Variants in FAM76A observed in about 807,000 individuals in gnomAD.
FAM76A encodes protein FAM76A.
In FAM76A, 32 loss-of-function variants were observed where a neutral mutation model predicts 46.2. The observed-to-expected ratio is 0.69, with a 90% CI of 0.52 to 0.93. The LOEUF is 0.93. FAM76A is among the 40% of genes least tolerant of loss of function. The pLI, the probability that FAM76A is intolerant of heterozygous loss-of-function variation, is 0.00. For missense variants in FAM76A, 274 were observed against 361.5 expected (o/e 0.76, Z 1.96); for synonymous variants, 137 against 127.0 (o/e 1.08, Z -0.53).
rs1203349382 is a variant in FAM76A, at chr1:27,762,543, T to C, written c.*1962T>C. 6.6e-6 allele frequency: 1 copy of C among 152,158 alleles called. No homozygotes were observed. Among genetic ancestry groups the C allele is most frequent in the African/African-American group, 2.4e-5 (1 of 41,428 alleles). 9.4% of individuals were successfully genotyped at this position (152,158 alleles called of 1,614,324 possible). The stretch of plus-strand genomic sequence containing the variant: ...TAATTGGACAGAGATGTGGAAATGG[T>C]GGTTTCCTTCTGATAAGGGATACAG... On this transcript the variant is annotated 3_prime_UTR_variant, in exon 9 of 9. Coordinates refer to ENST00000373954, the MANE Select transcript of FAM76A (RefSeq NM_152660.3).
At chr1:27,747,685 G>T (rs1050006348) in intron 5 of FAM76A, among the ~76,000 whole-genome samples, 1 of 152,126 alleles carries the variant, frequency 6.6e-6, no homozygotes, top group South Asian at 2.1e-4. Context: ...GGGAGGCCGA[G>T]GCAGGTGGAT....
At chr1:27,740,588 A>G (rs2088134621) in intron 4 of FAM76A, 3 of 909,054 alleles carry the variant, frequency 3.3e-6, no homozygotes, top group Admixed American at 1.9e-5. Flanking sequence ...GTTAAGAAAT[A>G]TATGTTCAGA....
At chr1:27,729,283 C>G (rs2087916125) in intron 2 of FAM76A, among the ~76,000 whole-genome samples, 1 of 151,832 alleles carries the variant, frequency 6.6e-6, no homozygotes, top group Non-Finnish European at 1.5e-5. Flanking sequence ...TCTCAGCTCA[C>G]TGCAACCTCC....
In FAM76A at chr1:27,760,946, G is replaced by GTTTTTTTTTTTTT. The variant is rs202213914; in HGVS notation, c.*370_*382dup. On this transcript the variant is annotated 3_prime_UTR_variant, in exon 9 of 9. Transcript: ENST00000373954. ...TAATGTGCAGAATGATTTGTTTTTT[G>GTTTTTTTTTTTTT]TTTTTTTTTTTTTTTTTGGTCCTTC... 1 of 33,282 alleles carries GTTTTTTTTTTTTT rather than the reference G, an allele frequency of 3.0e-5. No individual in the cohort carries two copies. The highest frequency in any genetic ancestry group is 1.1e-4 in the African/African-American group (1 of 8,882). The allele number at this position is 33,282 out of a possible 1,614,324, so 2.1% of individuals were successfully genotyped here.
At chr1:27,759,460 C>G (rs1057044239) in intron 7 of FAM76A, 66 bp from the exon 8 acceptor site, 40 of 1,148,184 alleles carry the variant, frequency 3.5e-5, no homozygotes, top group Non-Finnish European at 5.1e-5. Context: ...CCATTTAGCT[C>G]TCTGAAAGCA....
At position 27,729,238 on chromosome 1, in the gene FAM76A, C is replaced by CTA. The variant is rs1157668377; in HGVS notation, c.146+1703_146+1704insAT. Among the ~76,000 whole-genome samples the CTA allele has an allele frequency of 4.6e-5, 7 of 151,244 alleles. No individual in the cohort carries two copies. In the East Asian group the frequency reaches 1.4e-3, roughly 29 times the overall value. On this transcript the variant is annotated intron_variant, in intron 2 of 8. Coordinates refer to ENST00000373954, the MANE Select transcript of FAM76A (RefSeq NM_152660.3). ...TTTTTTCTTTTATGAGACAGGGTCT[C>CTA]TCTCTGTCACCCAAGCTGGAGTGCA...
At chr1:27,732,491 T>A in intron 2 of FAM76A, 112 bp from the exon 3 acceptor site, 2 of 729,820 alleles carry the variant, frequency 2.7e-6, no homozygotes, top group Non-Finnish European at 4.7e-6. Context: ...TAACCAAGCA[T>A]CCAGACCATA....
chr1:27,756,630 A>G (rs1292494746), intron 7 of FAM76A, among the ~76,000 whole-genome samples: 1 of 152,000 alleles, frequency 6.6e-6, no homozygotes, highest in Non-Finnish European at 1.5e-5. Flanking sequence ...AATATCTTCT[A>G]TCTTATATTT....
intron 4 of FAM76A, among the ~76,000 whole-genome samples, chr1:27,737,868 C>CAAAAAAAAAAA (rs71571865): frequency 1.6e-4 from 10 of 62,694 alleles, no homozygotes; most frequent in Admixed American, 6.7e-4. Flanking sequence ...ACAACAACAA[C>CAAAAAAAAAAA]AAAAAAAAAA....
At chr1:27,736,359 A>C (rs2088045876) in intron 4 of FAM76A, among the ~76,000 whole-genome samples, 1 of 152,100 alleles carries the variant, frequency 6.6e-6, no homozygotes, top group African/African-American at 2.4e-5. Flanking sequence ...TGGACTCAGA[A>C]TGTGTGGATT....
At chr1:27,728,860 G>T (rs761273128) in intron 2 of FAM76A, among the ~76,000 whole-genome samples, 87 of 152,010 alleles carry the variant, frequency 5.7e-4, no homozygotes, top group Non-Finnish European at 9.9e-4. Flanking sequence ...GCTACTTGGG[G>T]GGCTGAGGCA....
intron 5 of FAM76A, among the ~76,000 whole-genome samples, chr1:27,748,635 C>T (rs1189585106): frequency 6.6e-6 from 1 of 151,214 alleles, no homozygotes; most frequent in African/African-American, 2.4e-5. Flanking sequence ...GCGCCCGCCA[C>T]CTCGCCTGGC....
chr1:27,750,900 C>G (rs924771768), intron 6 of FAM76A, among the ~76,000 whole-genome samples: 3 of 152,192 alleles, frequency 2.0e-5, no homozygotes, highest in South Asian at 2.1e-4. Flanking sequence ...CAGGCACAGT[C>G]GTTCACACAT....
chr1:27,747,133 T>A (rs1203562167), intron 5 of FAM76A, among the ~76,000 whole-genome samples: 1 of 152,160 alleles, frequency 6.6e-6, no homozygotes, highest in East Asian at 1.9e-4. Context: ...CAGAATTTAA[T>A]TCAGTAGGAC....
rs2088005766 is a variant in FAM76A, at chr1:27,734,173, A to G, written c.344A>G (p.Asp115Gly). ...CAGTGTGCATTTGACAGGAAAGATG[A>G]TAGAAAGAAGGTAAATCTCTGTTTT... Reference protein sequence around the residue: ...KQQCAFDRKDDRKKVDGKLLC... With the variant: ...KQQCAFDRKDGRKKVDGKLLC... Residue 115 changes from aspartate (D) to glycine (G), a missense_variant, in exon 4 of 9, where the codon GAT becomes GGT. By Grantham distance (94) the Asp-to-Gly change is moderately conservative (BLOSUM62 -1). Transcript: ENST00000373954. 5 of 1,574,094 alleles carry G rather than the reference A, an allele frequency of 3.2e-6. No homozygotes were observed. Among genetic ancestry groups the G allele is most frequent in the African/African-American group, 1.4e-5 (1 of 71,998 alleles).
chr1:27,726,000 C>A lies in FAM76A; in HGVS notation c.-81C>A. 1 of 1,140,140 alleles carries A rather than the reference C, an allele frequency of 8.8e-7. No individual in the cohort carries two copies. Among genetic ancestry groups the A allele is most frequent in the Non-Finnish European group, 1.1e-6 (1 of 907,756 alleles). 70.6% of individuals were successfully genotyped at this position (1,140,140 alleles called of 1,614,324 possible). ...GCCTGCCGCAGCCAGCAGCCTGCAG[C>A]CGCCGCCGGGTTGTGCCTCAGACTG... On this transcript the variant is annotated 5_prime_UTR_variant, in exon 1 of 9. Coordinates refer to ENST00000373954, the MANE Select transcript of FAM76A (RefSeq NM_152660.3).
At position 27,755,260 on chromosome 1, in the gene FAM76A, A is replaced by G. The variant is rs1181048438; in HGVS notation, c.665A>G (p.Lys222Arg). 1.2e-6 allele frequency: 2 copies of G among 1,614,244 alleles called. No individual in the cohort carries two copies. Among genetic ancestry groups the G allele is most frequent in the Non-Finnish European group, 1.7e-6 (2 of 1,180,034 alleles). The change falls in exon 7 of 9, where the codon AAG becomes AGG. Residue 222 changes from lysine to arginine, a missense_variant. By Grantham distance (26) the Lys-to-Arg change is conservative. Coordinates refer to ENST00000373954, the MANE Select transcript of FAM76A (RefSeq NM_152660.3). ...TDHFVIIAQL[K>R]EEVATLKKML... ...CACTTTGTCATCATTGCCCAACTGA[A>G]GGAAGAAGTGGCTACCCTGAAGAAG...
chr1:27,762,192 A>G lies in FAM76A; in HGVS notation c.*1611A>G, dbSNP rs1054152342. 5 of 152,122 alleles carry G rather than the reference A, an allele frequency of 3.3e-5. No individual in the cohort carries two copies. Among genetic ancestry groups the G allele is most frequent in the African/African-American group, 4.8e-5 (2 of 41,430 alleles). The allele number at this position is 152,122 out of a possible 1,614,324, so 9.4% of individuals were successfully genotyped here. A position where few individuals can be genotyped will look rare whatever the true frequency, so the allele number is the denominator to read the frequency against. ...AACCAGAGTTATGTATGCCCTGCCT[A>G]TCTTCCCTTCTTAACCCTGTAGGAA... On this transcript the variant is annotated 3_prime_UTR_variant, in exon 9 of 9. Transcript: ENST00000373954.
At chr1:27,751,143 G>A (rs1454575370) in intron 6 of FAM76A, among the ~76,000 whole-genome samples, 1 of 148,960 alleles carries the variant, frequency 6.7e-6, no homozygotes, top group Non-Finnish European at 1.5e-5. Context: ...GTGAGACTCT[G>A]TCTCAAAAAA....
Sources: gnomAD v4.1 joint callset for allele counts (sites outside exome capture counted in the v4.1 genomes callset) on GRCh38, gnomAD v4.1.1 for gene constraint, MANE v1.5 for transcripts, NCBI Gene and HGNC (gene_info 2026-07-23, HGNC 2026-07-21) for gene names.